The following MAP4 variants were observed in gnomAD, a reference collection of about 807,000 sequenced individuals.
MAP4 encodes microtubule associated protein 4.
Under a neutral mutation model 170.2 loss-of-function variants are expected in MAP4, and 76 were observed. That is an observed-to-expected ratio of 0.45 (90% confidence interval 0.37 to 0.54). The LOEUF (loss-of-function observed/expected upper bound fraction) is 0.54, where lower values mean the gene tolerates loss of function less well. MAP4 is among the 20% of genes least tolerant of loss of function. The pLI is 0.00. For missense variants in MAP4, 2,506 were observed against 2,748.0 expected, an observed-to-expected ratio of 0.91 and a Z score of 1.97; for synonymous variants, 909 against 994.5, an observed-to-expected ratio of 0.91 and a Z score of 1.62.
At position 47,917,053 on chromosome 3, in the gene MAP4, C is replaced by G. The variant is rs942458221; in HGVS notation, c.774G>C (p.Met258Ile). 3 of 1,614,196 alleles carry G rather than the reference C, an allele frequency of 1.9e-6. No individual in the cohort carries two copies. The Admixed American group carries it at 5.0e-5, about 27-fold the overall frequency. Residue 258 changes from methionine (M) to isoleucine (I), a missense_variant, in exon 7 of 21, where the codon ATG (methionine) becomes ATC (isoleucine). Met to Ile is a conservative substitution (Grantham distance 10). This residue lies in a region of MAP4 where 2,008 missense variants were observed against 2,206.0 expected (regional missense o/e 0.91). Coordinates refer to ENST00000683076, the MANE Select transcript of MAP4 (RefSeq NM_001385682.1). ...CTAGTGCCATGTCCTTGGCGAGGGC[C>G]ATCTCTGTTTCTTTAGATGGTGCCA... ...TDMAPSKETE[M>I]ALAKDMALAT... is the part of the protein sequence containing the mutation.
At chr3:48,030,798 CAAAAAAAA>C (rs71625847) in intron 1 of MAP4, among the ~76,000 whole-genome samples, 201 of 29,106 alleles carry the variant, frequency 6.9e-3, no homozygotes, top group Non-Finnish European at 0.011. Context: ...GACTCCATCT[CAAAAAAAA>C]AAAAAAAAAA....
intron 12 of MAP4, among the ~76,000 whole-genome samples, chr3:47,875,437 C>T (rs886081948): frequency 4.6e-5 from 7 of 152,170 alleles, no homozygotes; most frequent in Non-Finnish European, 1.0e-4. Context: ...ATGTCTGCAT[C>T]AATGGGCCCC....
At chr3:48,022,897 G>GAAAAA (rs35128918) in intron 1 of MAP4, among the ~76,000 whole-genome samples, 1 of 150,588 alleles carries the variant, frequency 6.6e-6, no homozygotes, top group African/African-American at 2.4e-5. Context: ...TCTCAGGGGG[G>GAAAAA]AAAAAAAAAA....
At chr3:48,025,941 A>AC (rs1559813904) in intron 1 of MAP4, among the ~76,000 whole-genome samples, 1 of 148,800 alleles carries the variant, frequency 6.7e-6, no homozygotes, top group Non-Finnish European at 1.5e-5. Flanking sequence ...AATAATAACA[A>AC]TAATAATAAT....
intron 1 of MAP4, among the ~76,000 whole-genome samples, chr3:48,000,854 G>GT (rs1311343331): frequency 6.6e-6 from 1 of 152,140 alleles, no homozygotes; most frequent in African/African-American, 2.4e-5. Context: ...TCCAACAAAT[G>GT]TACTTAGGAA....
intron 3 of MAP4, among the ~76,000 whole-genome samples, chr3:47,930,114 G>C (rs1420867836): frequency 6.6e-6 from 1 of 152,118 alleles, no homozygotes; most frequent in East Asian, 1.9e-4. Context: ...TGGGGCAACA[G>C]AGTGAGACTG....
At chr3:47,898,407 CAGG>C (rs1423203317) in intron 10 of MAP4, among the ~76,000 whole-genome samples, 1 of 151,338 alleles carries the variant, frequency 6.6e-6, no homozygotes, top group African/African-American at 2.4e-5. Context: ...GAGGCTGAGG[CAGG>C]AGAATTGCTT....
At chr3:47,876,413 G>A (rs1359315801) in intron 11 of MAP4, among the ~76,000 whole-genome samples, 1 of 152,166 alleles carries the variant, frequency 6.6e-6, no homozygotes, top group Non-Finnish European at 1.5e-5. Flanking sequence ...TTACAGGCGT[G>A]AGCCACCGCG....
At chr3:48,078,312 T>A (rs1198540054) in intron 1 of MAP4, among the ~76,000 whole-genome samples, 1 of 123,710 alleles carries the variant, frequency 8.1e-6, no homozygotes, top group Non-Finnish European at 1.7e-5. Context: ...GCCTGGCTAA[T>A]TTTTTTTTTT....
intron 3 of MAP4, chr3:47,973,565 A>G (rs1209087448): frequency 2.0e-6 from 2 of 983,790 alleles, no homozygotes; most frequent in Admixed American, 6.1e-5. Context: ...AAAAGGAAAC[A>G]TATTTGAAAA....
intron 1 of MAP4, among the ~76,000 whole-genome samples, chr3:48,047,141 A>G (rs2100125069): frequency 1.4e-5 from 2 of 147,804 alleles, no homozygotes; most frequent in Admixed American, 6.8e-5. Flanking sequence ...TAAAAATGTT[A>G]AGGCCTTCAA....
intron 2 of MAP4, among the ~76,000 whole-genome samples, chr3:47,993,560 G>T (rs1449771477): frequency 6.6e-6 from 1 of 152,188 alleles, no homozygotes; most frequent in Non-Finnish European, 1.5e-5. Context: ...TGCCAAAATG[G>T]TTGCATCCAG....
intron 1 of MAP4, among the ~76,000 whole-genome samples, chr3:48,052,547 G>A (rs75103301): frequency 0.043 from 6,620 of 152,232 alleles, 476 homozygotes; most frequent in African/African-American, 0.15. Context: ...TTCTAAAACT[G>A]ATTGTGGTAA....
At chr3:48,043,820 T>C (rs1303974075) in intron 1 of MAP4, among the ~76,000 whole-genome samples, 1 of 151,978 alleles carries the variant, frequency 6.6e-6, no homozygotes, top group African/African-American at 2.4e-5. Context: ...TAATAATTAA[T>C]GAGAAAAACT....
At position 47,916,092 on chromosome 3, in the gene MAP4, G is replaced by A; in HGVS notation, c.1735C>T (p.Leu579Phe). The change falls in exon 7 of 21, where the codon CTC (leucine) becomes TTC (phenylalanine). Residue 579 changes from leucine to phenylalanine, a missense_variant. Around this residue, in one of 3 missense-constraint regions of MAP4, gnomAD observed 2,008 missense variants for 2,206.0 expected, o/e 0.91. Transcript: ENST00000683076. ...NVTPAKDVPP[L>F]SETEATPVPI... ...ACTGGTGTTGCCTCTGTTTCTGAGA[G>A]TGGTGGAACATCTTTGGCTGGAGTC... 1.2e-6 allele frequency: 2 copies of A among 1,614,218 alleles called. No homozygotes were observed. Among genetic ancestry groups the A allele is most frequent in the Non-Finnish European group, 1.7e-6 (2 of 1,180,032 alleles).
At chr3:48,020,025 G>GT (rs1282973003), upstream of MAP4, among the ~76,000 whole-genome samples, 12 of 152,114 alleles carry the variant, frequency 7.9e-5, no homozygotes, top group African/African-American at 2.4e-4. Context: ...GTTTTGTTTT[G>GT]TTTTTTGTGG....
chr3:48,057,726 A>T (rs561226622), intron 1 of MAP4, among the ~76,000 whole-genome samples: 10 of 151,324 alleles, frequency 6.6e-5, no homozygotes, highest in South Asian at 4.2e-4. Flanking sequence ...ACTATTTTTC[A>T]GAGTGGCTGT....
intron 3 of MAP4, among the ~76,000 whole-genome samples, chr3:47,967,150 A>G (rs1188279655): frequency 6.6e-6 from 1 of 152,112 alleles, no homozygotes; most frequent in Non-Finnish European, 1.5e-5. Flanking sequence ...CAGCCTGACC[A>G]ACATGGAGAA....
In MAP4 at chr3:47,910,890, TCCTGTTTCTGTGCTAACA is replaced by T; in HGVS notation, c.3513_3530del (p.Val1172_Gly1177del). 6.5e-7 allele frequency: 1 copy of T among 1,536,106 alleles called. No homozygotes were observed. Among genetic ancestry groups the T allele is most frequent in the East Asian group, 2.4e-5 (1 of 40,910 alleles). Reference sequence around the variant, plus strand: ...TGACACCCATATCTTTGACTACATCTCCTGTTTCTGTGCTAACACCAGAAGTCTGAGTCATGCCTGATC... The same window carrying T: ...TGACACCCATATCTTTGACTACATCTCCAGAAGTCTGAGTCATGCCTGATC... On this transcript the variant is annotated inframe_deletion, in exon 9 of 21. Coordinates refer to ENST00000683076, the MANE Select transcript of MAP4 (RefSeq NM_001385682.1).
Sources: allele counts gnomAD v4.1 joint callset (sites outside exome capture counted in the v4.1 genomes callset), GRCh38; gene constraint gnomAD v4.1.1; regional missense constraint gnomAD v4.1.1; transcripts MANE v1.5; gene names NCBI Gene and HGNC (gene_info 2026-07-23, HGNC 2026-07-21).